Variants in CEBPZ observed in about 807,000 individuals in gnomAD.
The protein encoded by CEBPZ is CCAAT/enhancer-binding protein zeta.
CEBPZ carries 78 observed loss-of-function variants against 104.5 expected under a neutral mutation model. That is an observed-to-expected ratio of 0.75 (90% CI 0.62 to 0.90). The LOEUF is 0.90. CEBPZ is among the 40% of genes least tolerant of loss of function. The pLI, the probability that CEBPZ is intolerant of heterozygous loss-of-function variation, is 0.00. For synonymous variants in CEBPZ, 470 were observed against 427.0 expected (o/e 1.10, Z -1.24); for missense variants, 1,439 against 1,233.5 (o/e 1.17, Z -2.50).
intron 13 of CEBPZ, among the ~76,000 whole-genome samples, chr2:37,207,453 C>T (rs767560566): frequency 6.6e-6 from 1 of 152,060 alleles, no homozygotes; most frequent in Non-Finnish European, 1.5e-5. Flanking sequence ...TATCAAGTAC[C>T]CTCTCACACC....
At chr2:37,201,937 C>G (rs745537375) in intron 15 of CEBPZ, 34 bp from the exon 16 acceptor site, 1 of 1,596,854 alleles carries the variant, frequency 6.3e-7, no homozygotes, top group African/African-American at 1.4e-5. Flanking sequence ...AGTGTACTAC[C>G]ACACTGTAGA....
chr2:37,224,578 A>G (rs1225536825), intron 2 of CEBPZ, among the ~76,000 whole-genome samples: 4 of 72,366 alleles, frequency 5.5e-5, no homozygotes, highest in East Asian at 7.1e-4. Flanking sequence ...CCCTCTTTAC[A>G]TTTAAATTTT....
chr2:37,202,768 A>T lies in CEBPZ; in HGVS notation c.3025+16T>A, dbSNP rs777950264. ...GCTATTTTTAAAACATCAATAAAAA[A>T]ATTTAAGTTACTTACTTGCATTATC... On this transcript the variant is annotated intron_variant, in intron 15 of 15. Coordinates refer to ENST00000234170, the MANE Select transcript of CEBPZ (RefSeq NM_005760.3). 1.3e-6 allele frequency: 2 copies of T among 1,491,770 alleles called. No individual in the cohort carries two copies. Among genetic ancestry groups the T allele is most frequent in the Non-Finnish European group, 1.8e-6 (2 of 1,110,512 alleles). The allele number at this position is 1,491,770 out of a possible 1,614,324, so 92.4% of individuals were successfully genotyped here. A position where few individuals can be genotyped will look rare whatever the true frequency, so the allele number is the denominator to read the frequency against.
At position 37,202,930 on chromosome 2, in the gene CEBPZ, A is replaced by G. The variant is rs370459206; in HGVS notation, c.2943+20T>C. 6.0e-5 allele frequency: 95 copies of G among 1,596,016 alleles called. 2 individuals carry two copies. Among genetic ancestry groups the G allele is most frequent in the South Asian group, 3.4e-5 (3 of 87,924 alleles). On this transcript the variant is annotated intron_variant, in intron 14 of 15. Transcript: ENST00000234170. The stretch of plus-strand genomic sequence containing the variant: ...ATAATGTAGAATAGCTAGCTTGTTA[A>G]AACAGTACATTAGCCTTACCTCTTC...
Position 37,228,349 on chromosome 2 carries a change from A to C in CEBPZ, c.844T>G (p.Cys282Gly). 2 of 1,614,236 alleles carry C rather than the reference A, an allele frequency of 1.2e-6. No homozygotes were observed. The highest frequency in any genetic ancestry group is 1.7e-6 in the Non-Finnish European group (2 of 1,180,036). Residue 282 changes from cysteine to glycine, a missense_variant, in exon 2 of 16, where the codon TGC becomes GGC. Physicochemically the swap from Cys to Gly is radical, Grantham distance 159. Coordinates refer to ENST00000234170, the MANE Select transcript of CEBPZ (RefSeq NM_005760.3). ...TTGAAAGTATCCAAGGCCATAAGGC[A>C]CTGCTGTTTGCTGCCCTTCTTTTTA... ...LVKKKGSKQQ[C>G]LMALDTFKEL...
intron 15 of CEBPZ, chr2:37,202,510 T>C (rs1677304092): frequency 4.0e-6 from 1 of 248,336 alleles, no homozygotes; most frequent in Non-Finnish European, 7.8e-6. Flanking sequence ...CTGGGCGTGG[T>C]GGTGCATGCC....
At chr2:37,231,237 T>G in intron 1 of CEBPZ, 175 bp downstream of exon 1, 1 of 826,424 alleles carries the variant, frequency 1.2e-6, no homozygotes, top group Non-Finnish European at 2.1e-6. Flanking sequence ...ACTTTTCTTT[T>G]GTAAACAGCA....
At chr2:37,205,087 T>TTA (rs1677487592) in intron 13 of CEBPZ, among the ~76,000 whole-genome samples, 1 of 152,220 alleles carries the variant, frequency 6.6e-6, no homozygotes, top group Non-Finnish European at 1.5e-5. Flanking sequence ...AGATAACGTG[T>TTA]TATAATTTAA....
At chr2:37,229,693 G>C (rs962313643) in intron 1 of CEBPZ, among the ~76,000 whole-genome samples, 1 of 152,132 alleles carries the variant, frequency 6.6e-6, no homozygotes, top group Non-Finnish European at 1.5e-5. Flanking sequence ...TGTTGGCCCA[G>C]CAGCTTCATT....
intron 8 of CEBPZ, 83 bp from the exon 9 acceptor site, chr2:37,215,035 A>C (rs371564181): frequency 1.2e-6 from 1 of 863,284 alleles, no homozygotes; most frequent in African/African-American, 1.7e-5. Context: ...AATACAGCAT[A>C]ATCTGTAATT....
intron 5 of CEBPZ, 25 bp downstream of exon 5, chr2:37,220,359 TA>T: frequency 8.8e-7 from 1 of 1,131,122 alleles, no homozygotes; most frequent in South Asian, 1.5e-5. Context: ...CATAAATGAA[TA>T]AAAGACAATT....
At position 37,228,787 on chromosome 2, in the gene CEBPZ, C is replaced by A; in HGVS notation, c.406G>T (p.Val136Phe). 1 of 1,612,776 alleles carries A rather than the reference C, an allele frequency of 6.2e-7. No individual in the cohort carries two copies. Among genetic ancestry groups the A allele is most frequent in the Non-Finnish European group, 8.5e-7 (1 of 1,179,652 alleles). ...KNTAESQRTS[V>F]NKVKNKNRPE... ...CTATTCTTATTTTTCACCTTATTAA[C>A]TGATGTCCTTTGACTTTCTGCTGTA... is the stretch of plus-strand genomic sequence containing the variant. The change falls in exon 2 of 16, where the codon GTT becomes TTT. Residue 136 changes from valine to phenylalanine, a missense_variant. Physicochemically the swap from Val to Phe is conservative, Grantham distance 50. Coordinates refer to ENST00000234170, the MANE Select transcript of CEBPZ (RefSeq NM_005760.3).
rs1031563377 is a variant in CEBPZ, at chr2:37,231,002, T to A, written c.156+410A>T. Among the ~76,000 whole-genome samples, 6 of 152,242 alleles carry A rather than the reference T, an allele frequency of 3.9e-5. No homozygotes were observed. The South Asian group carries it at 1.2e-3, about 32-fold the overall frequency. On this transcript the variant is annotated intron_variant, in intron 1 of 15. Transcript: ENST00000234170. Reference sequence around the variant, plus strand: ...TGTTTCTCTCCCTTAATTAGGATGCTCCAAAAAAGAGGGCTTCTGGGGCAT... The same window carrying A: ...TGTTTCTCTCCCTTAATTAGGATGCACCAAAAAAGAGGGCTTCTGGGGCAT...
Position 37,227,921 on chromosome 2 carries a change from T to C in CEBPZ, c.1272A>G (p.Val424=), listed in dbSNP as rs1374159659. 1 of 1,614,104 alleles carries C rather than the reference T, an allele frequency of 6.2e-7. No homozygotes were observed. Among genetic ancestry groups the C allele is most frequent in the Non-Finnish European group, 8.5e-7 (1 of 1,180,046 alleles). The change falls in exon 2 of 16, where the codon GTA becomes GTG. Residue 424 remains valine, a synonymous_variant. Transcript: ENST00000234170. ...TATTTGAGCGGAAGAGTAGCCTTTC[T>C]ACTTCACCAGACACAACTCCTTTCA... is the stretch of plus-strand genomic sequence containing the variant. ...PNMKGVVSGE[V]ERLLFRSNIS... is the part of the protein sequence containing the mutation.
chr2:37,229,827 GC>G (rs1325194274), intron 1 of CEBPZ, among the ~76,000 whole-genome samples: 2 of 152,026 alleles, frequency 1.3e-5, no homozygotes, highest in African/African-American at 2.4e-5. Context: ...TCCAACCTCA[GC>G]CTGTAGCTGG....
In CEBPZ at chr2:37,224,454, T is replaced by G. The variant is rs149005048; in HGVS notation, c.1650-1053A>C. Among the ~76,000 whole-genome samples the G allele has an allele frequency of 3.5e-3, 538 of 152,366 alleles. 2 individuals carry two copies. The highest frequency in any genetic ancestry group is 4.5e-3 in the Non-Finnish European group (309 of 68,026). On this transcript the variant is annotated intron_variant, in intron 2 of 15. Coordinates refer to ENST00000234170, the MANE Select transcript of CEBPZ (RefSeq NM_005760.3). ...ACTAACACTAGAAATGAAAAATACT[T>G]AAGCTTGTGAAGCACTTTCCTATTG...
intron 11 of CEBPZ, 34 bp downstream of exon 11, chr2:37,212,301 G>C: frequency 1.3e-6 from 2 of 1,588,502 alleles, no homozygotes; most frequent in Non-Finnish European, 1.7e-6. Context: ...GGAAATGCTA[G>C]AAAAATAGGA....
At chr2:37,210,967 G>A in intron 13 of CEBPZ, 32 bp downstream of exon 13, 1 of 1,499,754 alleles carries the variant, frequency 6.7e-7, no homozygotes, top group Non-Finnish European at 9.2e-7. Context: ...CATGGACACT[G>A]CTTTTAAAAG....
intron 5 of CEBPZ, among the ~76,000 whole-genome samples, chr2:37,218,239 C>T (rs1277969640): frequency 6.6e-6 from 1 of 151,676 alleles, no homozygotes; most frequent in Non-Finnish European, 1.5e-5. Flanking sequence ...CGCACTCCAG[C>T]CTGGGCGACA....
Sources: gnomAD v4.1 joint callset for allele counts (sites outside exome capture counted in the v4.1 genomes callset) on GRCh38, gnomAD v4.1.1 for gene constraint, MANE v1.5 for transcripts, NCBI Gene and HGNC (gene_info 2026-07-23, HGNC 2026-07-21) for gene names.